Variants in CTNNA2 observed in about 807,000 individuals in gnomAD.
CTNNA2 encodes catenin alpha-2.
CTNNA2 carries 42 observed loss-of-function variants against 101.0 expected under a neutral mutation model. That is an observed-to-expected ratio of 0.42 (90% CI 0.32 to 0.54). The LOEUF is 0.54. Among genes scored for constraint, CTNNA2 ranks in the 20% least tolerant of loss-of-function variants. The probability of loss-of-function intolerance (pLI) is 0.14; values close to 1 mark genes in which losing one functional copy is unlikely to be tolerated. For synonymous variants in CTNNA2, 450 were observed against 456.4 expected (o/e 0.99, Z 0.18); for missense variants, 871 against 1,223.1 (o/e 0.71, Z 4.29).
intron 3 of CTNNA2, among the ~76,000 whole-genome samples, chr2:79,371,517 C>A (rs923789174): frequency 2.0e-5 from 3 of 152,102 alleles, no homozygotes; most frequent in Admixed American, 2.0e-4. Flanking sequence ...AAGAGATGAA[C>A]CAGGCTCCTT....
chr2:79,416,257 C>CTTTTTCTTTTTTTTTTT (rs1404591922), intron 4 of CTNNA2, among the ~76,000 whole-genome samples: 3 of 94,654 alleles, frequency 3.2e-5, no homozygotes, highest in African/African-American at 1.2e-4. Context: ...CTTTCCTTTT[C>CTTTTTCTTTTTTTTTTT]TTTTTTTTTT....
chr2:80,160,669 G>A (rs1159589485), intron 7 of CTNNA2, among the ~76,000 whole-genome samples: 3 of 152,104 alleles, frequency 2.0e-5, no homozygotes, highest in Non-Finnish European at 4.4e-5. Context: ...ATGAGTTCTA[G>A]GAGTTTTTGT....
chr2:80,320,815 T>G (rs977812643), intron 7 of CTNNA2, among the ~76,000 whole-genome samples: 4 of 152,228 alleles, frequency 2.6e-5, no homozygotes, highest in African/African-American at 9.6e-5. Context: ...TTAATGACAT[T>G]ATTTAATGTT....
At chr2:80,612,511 A>G (rs1698546966) in intron 17 of CTNNA2, among the ~76,000 whole-genome samples, 1 of 151,634 alleles carries the variant, frequency 6.6e-6, no homozygotes, top group Non-Finnish European at 1.5e-5. Flanking sequence ...GAACTGAACA[A>G]GATTGATAAG....
intron 1 of CTNNA2, among the ~76,000 whole-genome samples, chr2:79,619,031 C>A (rs1183795414): frequency 1.3e-5 from 2 of 152,076 alleles, no homozygotes; most frequent in Non-Finnish European, 1.5e-5. Flanking sequence ...TATGGTGAAA[C>A]CCAGTCTCTC....
intron 7 of CTNNA2, among the ~76,000 whole-genome samples, chr2:79,941,799 A>C (rs576232641): frequency 1.8e-3 from 281 of 152,132 alleles, no homozygotes; most frequent in Middle Eastern, 3.4e-3. Flanking sequence ...TTGTATTTGC[A>C]GTAGAGGTGG....
chr2:79,748,321 A>G (rs1315512335), intron 3 of CTNNA2, among the ~76,000 whole-genome samples: 1 of 152,226 alleles, frequency 6.6e-6, no homozygotes, highest in East Asian at 1.9e-4. Context: ...AAAACACAGT[A>G]TCTTTCCTTC....
intron 7 of CTNNA2, among the ~76,000 whole-genome samples, chr2:80,020,993 CTTTTTTTTTTTTTTT>C (rs869061321): frequency 9.8e-4 from 88 of 89,360 alleles, no homozygotes; most frequent in African/African-American, 3.9e-3. Flanking sequence ...GACCAATCAT[CTTTTTTTTTTTTTTT>C]TTTTTTTTTT....
intron 2 of CTNNA2, among the ~76,000 whole-genome samples, chr2:79,712,287 A>G (rs887110174): frequency 2.0e-5 from 3 of 152,220 alleles, no homozygotes; most frequent in Non-Finnish European, 4.4e-5. Flanking sequence ...ATGCAACTCT[A>G]GAAAAAACCC....
intron 4 of CTNNA2, among the ~76,000 whole-genome samples, chr2:79,862,435 A>C (rs1182122882): frequency 3.9e-5 from 6 of 152,292 alleles, no homozygotes; most frequent in Admixed American, 6.5e-5. Flanking sequence ...TCTCAAGTCT[A>C]CTTTTTAGTC....
intron 2 of CTNNA2, among the ~76,000 whole-genome samples, chr2:79,252,817 G>GT (rs5832372): frequency 5.7e-4 from 85 of 148,278 alleles, no homozygotes; most frequent in African/African-American, 9.9e-4. Context: ...ATTATCAACT[G>GT]TTTTTTTTTT....
At chr2:80,021,818 T>C (rs1278504278) in intron 7 of CTNNA2, among the ~76,000 whole-genome samples, 3 of 152,146 alleles carry the variant, frequency 2.0e-5, no homozygotes, top group Admixed American at 2.0e-4. Context: ...AACTTACTCC[T>C]CCTAATGAAA....
In CTNNA2 at chr2:80,340,775, C is replaced by T. The variant is rs141319846; in HGVS notation, c.1057-52436C>T. 1.7e-3 allele frequency among the ~76,000 whole-genome samples: 257 copies of T among 152,284 alleles called. 1 individual carries two copies. Among genetic ancestry groups the T allele is most frequent in the African/African-American group, 5.7e-3 (238 of 41,552 alleles). On this transcript the variant is annotated intron_variant, in intron 7 of 18. Coordinates refer to ENST00000402739, the MANE Select transcript of CTNNA2 (RefSeq NM_001282597.3). ...AAATTCCATTCAATTCTGACATTAT[C>T]TACCTGGAGCTAGCATCAGATCTCA...
intron 7 of CTNNA2, among the ~76,000 whole-genome samples, chr2:80,021,497 C>T (rs889534663): frequency 2.0e-5 from 3 of 152,196 alleles, no homozygotes; most frequent in East Asian, 1.9e-4. Context: ...TAACAAAGAC[C>T]ACCTCAAAGA....
intron 3 of CTNNA2, among the ~76,000 whole-genome samples, chr2:79,783,597 T>C (rs1446999898): frequency 2.6e-5 from 4 of 152,162 alleles, no homozygotes; most frequent in African/African-American, 9.7e-5. Flanking sequence ...TATCCCCTAA[T>C]TTTCACTCTG....
At position 79,823,543 on chromosome 2, in the gene CTNNA2, A is replaced by C. The variant is rs1678186898; in HGVS notation, c.299-34470A>C. On this transcript the variant is annotated intron_variant, in intron 3 of 18. Coordinates refer to ENST00000402739, the MANE Select transcript of CTNNA2 (RefSeq NM_001282597.3). ...AAAAAAAAGAAAGAAAAAGAAAAGG[A>C]CAAAGACAACCAACCCATCACATGG... Among the ~76,000 whole-genome samples the C allele has an allele frequency of 4.6e-5, 7 of 152,200 alleles. No individual in the cohort carries two copies. The South Asian group carries it at 1.5e-3, about 32-fold the overall frequency.
intron 7 of CTNNA2, among the ~76,000 whole-genome samples, chr2:80,013,215 G>A (rs970209036): frequency 5.9e-5 from 9 of 151,974 alleles, no homozygotes; most frequent in African/African-American, 2.2e-4. Context: ...GCAAACCCCT[G>A]GTAGTTTACA....
At position 80,629,988 on chromosome 2, in the gene CTNNA2, C is replaced by T. The variant is rs141508226; in HGVS notation, c.2574+10760C>T. ...AGATAGTTCCAGATTTAGCTGCCAA[C>T]CTCGTTTCCAGCCAGGTGTCAGTGG... is the stretch of plus-strand genomic sequence containing the variant. On this transcript the variant is annotated intron_variant, in intron 18 of 18. Coordinates refer to ENST00000402739, the MANE Select transcript of CTNNA2 (RefSeq NM_001282597.3). 5.1e-3 allele frequency among the ~76,000 whole-genome samples: 770 copies of T among 152,262 alleles called. 5 individuals carry two copies. Among genetic ancestry groups the T allele is most frequent in the Non-Finnish European group, 8.7e-3 (594 of 68,026 alleles).
chr2:80,112,077 T>C (rs544612088), intron 7 of CTNNA2, among the ~76,000 whole-genome samples: 2 of 152,216 alleles, frequency 1.3e-5, no homozygotes, highest in South Asian at 4.2e-4. Context: ...AAACTGTTTA[T>C]AACAAGAAAT....
Sources: allele counts gnomAD v4.1 joint callset (sites outside exome capture counted in the v4.1 genomes callset), GRCh38; gene constraint gnomAD v4.1.1; transcripts MANE v1.5; gene names NCBI Gene and HGNC (gene_info 2026-07-23, HGNC 2026-07-21).